The following MAP3K7CL variants were observed in gnomAD, a reference collection of about 807,000 sequenced individuals.
MAP3K7CL encodes the protein MAP3K7 C-terminal-like protein.
A neutral mutation model predicts 18.6 loss-of-function variants in MAP3K7CL; 16 were observed. The ratio of observed to expected loss-of-function variants is 0.86; its 90% CI spans 0.58 to 1.31. The LOEUF is 1.31. MAP3K7CL is among the 50% of genes most tolerant of loss of function. The pLI is 0.00. For synonymous variants in MAP3K7CL, 65 were observed against 66.8 expected (o/e 0.97, Z 0.13); for missense variants, 163 against 174.4 (o/e 0.93, Z 0.37).
chr21:29,126,265 T>C (rs1472371319), upstream of MAP3K7CL, among the ~76,000 whole-genome samples: 1 of 152,196 alleles, frequency 6.6e-6, no homozygotes, highest in Non-Finnish European at 1.5e-5. Context: ...TGCTCTCTCT[T>C]TGTAAATAAA....
chr21:29,101,470 C>T lies in MAP3K7CL; in HGVS notation c.370+8889C>T, dbSNP rs190349436. 8.5e-4 allele frequency among the ~76,000 whole-genome samples: 130 copies of T among 152,252 alleles called. 2 individuals are homozygous for T. The highest frequency in any genetic ancestry group is 2.7e-3 in the African/African-American group (111 of 41,550). ...TGTCACCCAGGCTGGTGTGCAGTGG[C>T]GCCATCTCTGCTCACTGCAAGCTCC... is the stretch of plus-strand genomic sequence containing the variant. On this transcript the variant is annotated intron_variant, in intron 4 of 6. Transcript: ENST00000286791.
rs534621854 is a variant in MAP3K7CL, at chr21:29,117,496, T to C, written c.370+24915T>C. On this transcript the variant is annotated intron_variant, in intron 4 of 6. Coordinates refer to the MAP3K7CL transcript ENST00000286791. ...AAAACTGTCAGCAAAATGCTGTTTG[T>C]ATTGGACAACTCCTGTGAATTGAAA... 4.6e-5 allele frequency among the ~76,000 whole-genome samples: 7 copies of C among 152,366 alleles called. No homozygotes were observed. In the South Asian group the frequency reaches 1.2e-3, roughly 27 times the overall value.
At chr21:29,143,468 G>A (rs573905342) in intron 2 of MAP3K7CL, among the ~76,000 whole-genome samples, 1 of 151,856 alleles carries the variant, frequency 6.6e-6, no homozygotes, top group South Asian at 2.1e-4. Flanking sequence ...TGTTGCCCAG[G>A]CTGGAGTACA....
Position 29,174,735 on chromosome 21 carries a change from A to C in MAP3K7CL, c.272A>C (p.Asp91Ala). The change falls in exon 5 of 5, where the codon GAT (aspartate) becomes GCT (alanine). Residue 91 changes from aspartate to alanine, a missense_variant. Asp to Ala is a moderately radical substitution (Grantham distance 126). Transcript: ENST00000399928. ...QRKKELIAKL[D>A]QAEKEKVDAA... ...AGGAAGGAGCTCATTGCCAAGTTAGATCAGGCAGAAAAGGAGAAGGTGGAT... is the reference window on the plus strand; with the variant it reads ...AGGAAGGAGCTCATTGCCAAGTTAGCTCAGGCAGAAAAGGAGAAGGTGGAT... The C allele has an allele frequency of 6.2e-7, 1 of 1,614,122 alleles. No individual in the cohort carries two copies. The highest frequency in any genetic ancestry group is 8.5e-7 in the Non-Finnish European group (1 of 1,180,010).
intron 4 of MAP3K7CL, among the ~76,000 whole-genome samples, 162 bp from the exon 5 acceptor site, chr21:29,174,550 T>G (rs1195829239): frequency 1.3e-5 from 2 of 152,198 alleles, no homozygotes; most frequent in Non-Finnish European, 2.9e-5. Flanking sequence ...ATATAAAATT[T>G]GCAAAGCTGG....
chr21:29,134,330 G>A (rs1275860708), intron 2 of MAP3K7CL, among the ~76,000 whole-genome samples: 1 of 151,914 alleles, frequency 6.6e-6, no homozygotes, highest in Non-Finnish European at 1.5e-5. Context: ...ACCACCCTGG[G>A]CAACACAGGC....
intron 4 of MAP3K7CL, among the ~76,000 whole-genome samples, chr21:29,099,397 G>A (rs937820725): frequency 9.9e-5 from 15 of 151,006 alleles, no homozygotes; most frequent in African/African-American, 2.2e-4. Flanking sequence ...GAGCCACTGC[G>A]CCCAGCTAAA....
intron 4 of MAP3K7CL, among the ~76,000 whole-genome samples, chr21:29,098,887 C>A (rs1394738928): frequency 2.0e-5 from 3 of 152,198 alleles, no homozygotes; most frequent in African/African-American, 7.2e-5. Context: ...TTTGCCTCCT[C>A]AGTTATGAGT....
At chr21:29,079,463 CTCA>C (rs1254620945) in intron 1 of MAP3K7CL, among the ~76,000 whole-genome samples, 9 of 152,250 alleles carry the variant, frequency 5.9e-5, no homozygotes, top group Non-Finnish European at 1.0e-4. Flanking sequence ...CCCATACTGT[CTCA>C]CCACTCCCCC....
intron 4 of MAP3K7CL, among the ~76,000 whole-genome samples, chr21:29,124,586 G>A (rs2052313770): frequency 6.6e-6 from 1 of 152,194 alleles, no homozygotes; most frequent in Non-Finnish European, 1.5e-5. Context: ...ATGCTTGCTT[G>A]TTGGCTATAC....
chr21:29,109,279 A>C (rs2086379245), intron 4 of MAP3K7CL: 2 of 1,512,216 alleles, frequency 1.3e-6, no homozygotes, highest in Non-Finnish European at 1.8e-6. Flanking sequence ...ATGTGTGTGT[A>C]ATGCTTATTT....
chr21:29,089,256 T>C (rs1568927928), intron 1 of MAP3K7CL, among the ~76,000 whole-genome samples: 1 of 145,542 alleles, frequency 6.9e-6, no homozygotes, highest in African/African-American at 2.5e-5. Flanking sequence ...CCCTCATCTC[T>C]GAATCAAGAA....
At chr21:29,156,663 C>T (rs1267342971) in intron 3 of MAP3K7CL, among the ~76,000 whole-genome samples, 2 of 152,180 alleles carry the variant, frequency 1.3e-5, no homozygotes, top group East Asian at 3.8e-4. Flanking sequence ...TATCACAAAG[C>T]AATGAGAGTT....
intron 2 of MAP3K7CL, among the ~76,000 whole-genome samples, chr21:29,140,678 T>A (rs2086986973): frequency 6.6e-6 from 1 of 152,176 alleles, no homozygotes. Flanking sequence ...TGGAGGAAGG[T>A]TACTTCTGGT....
chr21:29,171,161 A>G lies in MAP3K7CL; in HGVS notation c.249-3551A>G, dbSNP rs949847499. On this transcript the variant is annotated intron_variant, in intron 4 of 4. Coordinates refer to ENST00000399928, the MANE Select transcript of MAP3K7CL (RefSeq NM_001286620.2). ...TTTAAATGGAGCACTTTCAGTTTCT[A>G]TTTCCTCATTTTTAAAACATAAATT... Among the ~76,000 whole-genome samples the G allele has an allele frequency of 3.3e-5, 5 of 151,946 alleles. No individual in the cohort carries two copies. In the South Asian group the frequency reaches 6.2e-4, roughly 19 times the overall value.
chr21:29,162,108 A>G (rs1165211042), intron 4 of MAP3K7CL, among the ~76,000 whole-genome samples: 1 of 152,148 alleles, frequency 6.6e-6, no homozygotes, highest in East Asian at 1.9e-4. Flanking sequence ...TTCATGAAGG[A>G]ATTGAGGATT....
At chr21:29,172,553 G>T (rs2087865833) in intron 4 of MAP3K7CL, among the ~76,000 whole-genome samples, 1 of 152,032 alleles carries the variant, frequency 6.6e-6, no homozygotes. Flanking sequence ...TAAATATTTT[G>T]TTCCTTATCA....
chr21:29,162,844 A>ACG lies in MAP3K7CL; in HGVS notation c.248+2789_248+2790insGC, dbSNP rs1568970727. On this transcript the variant is annotated intron_variant, in intron 4 of 4. Transcript: ENST00000399928. ...AAAGGGGCCAGGCGCAGAGGCTCAC[A>ACG]CCTGTAATCCCAGCACTTTGGGAGG... Among the ~76,000 whole-genome samples the ACG allele has an allele frequency of 5.5e-3, 834 of 152,148 alleles. 1 individual carries two copies. Among genetic ancestry groups the ACG allele is most frequent in the Middle Eastern group, 0.024 (7 of 294 alleles).
intron 1 of MAP3K7CL, among the ~76,000 whole-genome samples, chr21:29,087,079 C>T (rs1426239607): frequency 1.3e-5 from 2 of 152,178 alleles, no homozygotes; most frequent in Non-Finnish European, 2.9e-5. Flanking sequence ...ACACTACCTT[C>T]TTTTTGTTCT....
Sources: allele counts gnomAD v4.1 joint callset (sites outside exome capture counted in the v4.1 genomes callset), GRCh38; gene constraint gnomAD v4.1.1; transcripts MANE v1.5; gene names NCBI Gene and HGNC (gene_info 2026-07-23, HGNC 2026-07-21).